RNF157: variants seen among roughly 807,000 people sequenced by gnomAD.
RNF157 encodes ring finger protein 157, also known as E3 ubiquitin ligase RNF157.
In RNF157, 55 loss-of-function variants were observed where a neutral mutation model predicts 88.3. The ratio of observed to expected loss-of-function variants is 0.62; its 90% CI spans 0.50 to 0.78. The LOEUF (loss-of-function observed/expected upper bound fraction) is 0.78, where lower values mean the gene tolerates loss of function less well. Ranked by LOEUF, RNF157 falls within the 30% of genes least tolerant of loss-of-function variation. The pLI is 0.00. For missense variants in RNF157, 788 were observed against 860.8 expected, an observed-to-expected ratio of 0.92 and a Z score of 1.06; for synonymous variants, 334 against 341.2, an observed-to-expected ratio of 0.98 and a Z score of 0.23.
intron 2 of RNF157, among the ~76,000 whole-genome samples, chr17:76,183,450 G>GT (rs751661250): frequency 0.011 from 1,644 of 151,600 alleles, 37 homozygotes; most frequent in African/African-American, 0.037. Flanking sequence ...TTCACATAAA[G>GT]TTTTTTTTTG....
At chr17:76,200,936 T>TGAGA (rs1337810809) in intron 2 of RNF157, among the ~76,000 whole-genome samples, 1 of 152,024 alleles carries the variant, frequency 6.6e-6, no homozygotes, top group Admixed American at 6.6e-5. Flanking sequence ...GTTTTCTGTC[T>TGAGA]TTCTCCGCAA....
chr17:76,170,303 T>C (rs1265272528), intron 3 of RNF157, among the ~76,000 whole-genome samples: 2 of 152,020 alleles, frequency 1.3e-5, no homozygotes, highest in Non-Finnish European at 2.9e-5. Context: ...TCGTGACTCA[T>C]TGCAGCCTTG....
At position 76,240,049 on chromosome 17, in the gene RNF157, ACT is replaced by A. The variant is rs1159252021; in HGVS notation, c.88+102_88+103del. 2.0e-6 allele frequency: 1 copy of A among 507,256 alleles called. No homozygotes were observed. The highest frequency in any genetic ancestry group is 2.1e-5 in the African/African-American group (1 of 48,724). The allele number at this position is 507,256 out of a possible 1,614,324, so 31.4% of individuals were successfully genotyped here. The stretch of plus-strand genomic sequence containing the variant: ...AGACCGTTTCGGAGCGTCCGCAACC[ACT>A]GAGTCCCCGAAGACCCGCGGGGCCC... On this transcript the variant is annotated intron_variant, in intron 1 of 18. Transcript: ENST00000269391. This position sits in a 1 kb window ranked among gnomAD's most constrained non-coding sequence, Gnocchi z 4.4.
At chr17:76,192,530 G>A (rs1433042608) in intron 2 of RNF157, among the ~76,000 whole-genome samples, 1 of 152,182 alleles carries the variant, frequency 6.6e-6, no homozygotes, top group African/African-American at 2.4e-5. Context: ...CGAACAACAA[G>A]ATCTTCGGAA....
chr17:76,201,014 T>G (rs952132715), intron 2 of RNF157, among the ~76,000 whole-genome samples: 1 of 152,174 alleles, frequency 6.6e-6, no homozygotes, highest in African/African-American at 2.4e-5. Flanking sequence ...TGTAGTTCAC[T>G]AAAAAATTAA....
Position 76,159,931 on chromosome 17 carries a change from C to T in RNF157, c.1066-358G>A, listed in dbSNP as rs138918491. ...ATTTTTTTTCTGTGTACTATTTACA[C>T]AGTTTTGATCAATCTGTAAATAACA... On this transcript the variant is annotated intron_variant, in intron 11 of 18. Coordinates refer to ENST00000269391, the MANE Select transcript of RNF157 (RefSeq NM_052916.3). Among the ~76,000 whole-genome samples the T allele has an allele frequency of 8.5e-5, 13 of 152,192 alleles. No individual in the cohort carries two copies. In the East Asian group the frequency reaches 2.5e-3, roughly 29 times the overall value.
intron 1 of RNF157, among the ~76,000 whole-genome samples, chr17:76,239,780 G>A (rs1027396902): frequency 2.6e-5 from 4 of 152,262 alleles, no homozygotes; most frequent in Admixed American, 6.5e-5. Context: ...TTTGGGCCGG[G>A]CCGGCCGGGT....
rs1160819135 is a variant in RNF157, at chr17:76,173,709, G to T, written c.289C>A (p.Leu97Ile). Residue 97 changes from leucine to isoleucine, a missense_variant, in exon 3 of 19, where the codon CTC becomes ATC. By Grantham distance (5) the Leu-to-Ile change is conservative (BLOSUM62 2). Coordinates refer to ENST00000269391, the MANE Select transcript of RNF157 (RefSeq NM_052916.3). The part of the protein sequence containing the change: ...LVNIRKDTLR[L>I]VKCAEEVKSP... ...CAGCCTCTGGGAACTTACTTGACGAGCCTCAGTGTGTCCTTTCGGATATTG... is the reference window on the plus strand; with the variant it reads ...CAGCCTCTGGGAACTTACTTGACGATCCTCAGTGTGTCCTTTCGGATATTG... The T allele has an allele frequency of 6.2e-7, 1 of 1,606,978 alleles. No homozygotes were observed. The highest frequency in any genetic ancestry group is 1.3e-5 in the African/African-American group (1 of 74,846).
At position 76,159,340 on chromosome 17, in the gene RNF157, G is replaced by C; in HGVS notation, c.1299C>G (p.Leu433=). Residue 433 remains leucine, a synonymous_variant, in exon 12 of 19, where the codon CTC becomes CTG. Coordinates refer to ENST00000269391, the MANE Select transcript of RNF157 (RefSeq NM_052916.3). Reference sequence around the variant, plus strand: ...GTGGAGCACTGGCTACTCACTTGGAGAGACTCTTTTTGAGTTTGAGTCCCT... The same window carrying C: ...GTGGAGCACTGGCTACTCACTTGGACAGACTCTTTTTGAGTTTGAGTCCCT... ...SSQGLKLKKS[L]SKSTSQNSSV... 1 of 1,613,240 alleles carries C rather than the reference G, an allele frequency of 6.2e-7. No homozygotes were observed. The highest frequency in any genetic ancestry group is 8.5e-7 in the Non-Finnish European group (1 of 1,179,436).
intron 2 of RNF157, among the ~76,000 whole-genome samples, chr17:76,204,468 T>A (rs1309229081): frequency 1.3e-5 from 2 of 152,156 alleles, no homozygotes; most frequent in Admixed American, 1.3e-4. Flanking sequence ...AGGTCAAGGG[T>A]CATGTCTTTT....
At chr17:76,223,940 C>G (rs2070032949) in intron 1 of RNF157, among the ~76,000 whole-genome samples, 2 of 152,174 alleles carry the variant, frequency 1.3e-5, no homozygotes, top group African/African-American at 4.8e-5. Context: ...TAACACAGGG[C>G]AAGGCCCACA....
chr17:76,205,593 T>C (rs944080696), intron 2 of RNF157, among the ~76,000 whole-genome samples: 9 of 152,014 alleles, frequency 5.9e-5, no homozygotes, highest in Non-Finnish European at 1.0e-4. Context: ...AGCGTGGTGG[T>C]GTGTGCCTGT....
intron 1 of RNF157, among the ~76,000 whole-genome samples, chr17:76,236,761 T>C (rs2070289460): frequency 6.6e-6 from 1 of 152,220 alleles, no homozygotes; most frequent in South Asian, 2.1e-4. Flanking sequence ...AAAGATGGCA[T>C]ATGCATGCAG....
At chr17:76,207,823 G>C (rs2069708110) in intron 2 of RNF157, among the ~76,000 whole-genome samples, 1 of 152,196 alleles carries the variant, frequency 6.6e-6, no homozygotes. Context: ...ATGTTGTGCA[G>C]TAATGGCAAA....
intron 2 of RNF157, among the ~76,000 whole-genome samples, chr17:76,187,786 T>C (rs553770730): frequency 2.2e-4 from 33 of 152,054 alleles, no homozygotes; most frequent in African/African-American, 7.2e-5. Context: ...TTAGTAGAGA[T>C]AGGGTTTTAC....
intron 18 of RNF157, among the ~76,000 whole-genome samples, chr17:76,149,694 T>C (rs939639264): frequency 1.3e-5 from 2 of 152,056 alleles, no homozygotes; most frequent in African/African-American, 4.8e-5. Context: ...AACCAGAGGT[T>C]TTGAGACATC....
At chr17:76,180,502 CTGAG>C (rs1301907993) in intron 2 of RNF157, among the ~76,000 whole-genome samples, 1 of 152,160 alleles carries the variant, frequency 6.6e-6, no homozygotes, top group Non-Finnish European at 1.5e-5. Flanking sequence ...AAATATTTAA[CTGAG>C]TATCTACTAT....
chr17:76,168,133 C>T (rs1454337508), intron 3 of RNF157, among the ~76,000 whole-genome samples: 1 of 152,166 alleles, frequency 6.6e-6, no homozygotes, highest in South Asian at 2.1e-4. Flanking sequence ...GAGGACACCC[C>T]TTTTAGTGAT....
At chr17:76,204,941 C>T (rs773826600) in intron 2 of RNF157, among the ~76,000 whole-genome samples, 3 of 151,622 alleles carry the variant, frequency 2.0e-5, no homozygotes, top group East Asian at 1.9e-4. Context: ...CCTGCCACCA[C>T]GCCCAGCTAA....
Sources: gnomAD v4.1 joint callset for allele counts (sites outside exome capture counted in the v4.1 genomes callset) on GRCh38, gnomAD v4.1.1 for gene constraint, Gnocchi (gnomAD v3.1) non-coding constraint, MANE v1.5 for transcripts, NCBI Gene and HGNC (gene_info 2026-07-23, HGNC 2026-07-21) for gene names.